The following ARPC5L variants were observed in gnomAD, a reference collection of about 807,000 sequenced individuals.
ARPC5L encodes the protein actin-related protein 2/3 complex subunit 5-like protein.
Under a neutral mutation model 16.9 loss-of-function variants are expected in ARPC5L, and 4 were observed. The observed-to-expected ratio is 0.24, with a 90% CI of 0.12 to 0.54. The LOEUF is 0.54. Among genes scored for constraint, ARPC5L ranks in the 20% least tolerant of loss-of-function variants. The probability of loss-of-function intolerance (pLI) is 0.95; values close to 1 mark genes in which losing one functional copy is unlikely to be tolerated. For missense variants in ARPC5L, 151 were observed against 201.9 expected, an observed-to-expected ratio of 0.75 and a Z score of 1.53; for synonymous variants, 78 against 82.6, an observed-to-expected ratio of 0.94 and a Z score of 0.30.
At chr9:124,865,095 G>A (rs1292920004) in intron 2 of ARPC5L, among the ~76,000 whole-genome samples, 1 of 152,166 alleles carries the variant, frequency 6.6e-6, no homozygotes, top group East Asian at 1.9e-4. Flanking sequence ...GCCTCCCAAA[G>A]TGTTGGGATT....
rs1007531617 is a variant in ARPC5L, at chr9:124,869,049, G to A, written c.-242G>A. Reference sequence around the variant, plus strand: ...GTGGAAGGGACACTGAGGTGGGGGAGGCTGCGGTGATCCCATACCGCACTC... The same window carrying A: ...GTGGAAGGGACACTGAGGTGGGGGAAGCTGCGGTGATCCCATACCGCACTC... On this transcript the variant is annotated 5_prime_UTR_variant, in exon 3 of 6. Coordinates refer to ENST00000353214, the MANE Select transcript of ARPC5L (RefSeq NM_030978.3). 1.3e-5 allele frequency: 5 copies of A among 392,564 alleles called. No individual in the cohort carries two copies. Among genetic ancestry groups the A allele is most frequent in the East Asian group, 4.1e-5 (1 of 24,386 alleles). 24.3% of individuals were successfully genotyped at this position (392,564 alleles called of 1,614,324 possible).
At chr9:124,873,656 C>T (rs749525176) in intron 3 of ARPC5L, 36 bp from the exon 4 acceptor site, 2 of 1,612,596 alleles carry the variant, frequency 1.2e-6, no homozygotes, top group South Asian at 2.2e-5. Flanking sequence ...CATGGATGTG[C>T]TTGAGCCTAG....
intron 5 of ARPC5L, 83 bp from the exon 6 acceptor site, chr9:124,876,795 A>G (rs1829446605): frequency 1.8e-6 from 2 of 1,082,940 alleles, no homozygotes; most frequent in Non-Finnish European, 2.8e-6. Flanking sequence ...AGGTCAGGGA[A>G]TGTCCCCCCT....
intron 1 of ARPC5L, among the ~76,000 whole-genome samples, chr9:124,862,674 A>G (rs1427602706): frequency 1.3e-5 from 2 of 151,080 alleles, no homozygotes; most frequent in Non-Finnish European, 1.5e-5. Flanking sequence ...ACAGGCATGC[A>G]CCACCACGCC....
chr9:124,870,953 G>T (rs1325157229), intron 3 of ARPC5L, among the ~76,000 whole-genome samples: 1 of 152,236 alleles, frequency 6.6e-6, no homozygotes, highest in East Asian at 1.9e-4. Context: ...CGTCAGAAGC[G>T]TCAGAAACCT....
intron 5 of ARPC5L, among the ~76,000 whole-genome samples, chr9:124,876,186 C>T (rs1829431328): frequency 6.6e-6 from 1 of 151,988 alleles, no homozygotes; most frequent in African/African-American, 2.4e-5. Flanking sequence ...GAACCCATCT[C>T]TACAAAAAAA....
chr9:124,870,043 C>T (rs1389330500), intron 3 of ARPC5L, among the ~76,000 whole-genome samples: 2 of 152,214 alleles, frequency 1.3e-5, no homozygotes, highest in African/African-American at 4.8e-5. Context: ...TCTAACCCTC[C>T]CGCTTAATGC....
At chr9:124,870,042 C>T (rs1829333878) in intron 3 of ARPC5L, among the ~76,000 whole-genome samples, 1 of 152,198 alleles carries the variant, frequency 6.6e-6, no homozygotes, top group Non-Finnish European at 1.5e-5. Flanking sequence ...GTCTAACCCT[C>T]CCGCTTAATG....
chr9:124,873,915 T>C (rs933980924), intron 4 of ARPC5L, 151 bp downstream of exon 4: 1 of 823,312 alleles, frequency 1.2e-6, no homozygotes. Context: ...GCTCCCTAGG[T>C]GGTGAGGCTT....
chr9:124,876,356 G>C (rs900217105), intron 5 of ARPC5L, among the ~76,000 whole-genome samples: 7 of 152,068 alleles, frequency 4.6e-5, no homozygotes, highest in African/African-American at 1.7e-4. Context: ...GGGTGGTGGC[G>C]GGCGCCTGTA....
rs113286514 is a variant in ARPC5L at position 124,871,379 on chromosome 9, C to T, written c.149+1940C>T. On this transcript the variant is annotated intron_variant, in intron 3 of 5. Coordinates refer to ENST00000353214, the MANE Select transcript of ARPC5L (RefSeq NM_030978.3). Reference sequence around the variant, plus strand: ...ACAGCCATGCTGGCTTCCTAGATTCCGTGGGAGCCTCATGGGCTAACATCA... The same window carrying T: ...ACAGCCATGCTGGCTTCCTAGATTCTGTGGGAGCCTCATGGGCTAACATCA... Among the ~76,000 whole-genome samples the T allele has an allele frequency of 3.3e-5, 5 of 152,308 alleles. 1 individual carries two copies. Among genetic ancestry groups the T allele is most frequent in the African/African-American group, 1.2e-4 (5 of 41,572 alleles).
rs531506569 is a variant in ARPC5L at position 124,876,343 on chromosome 9, C to T, written c.400-535C>T. On this transcript the variant is annotated intron_variant, in intron 5 of 5. Coordinates refer to ENST00000353214, the MANE Select transcript of ARPC5L (RefSeq NM_030978.3). ...CTCTACTAAAAATACAAAAATTAGC[C>T]GGGGGTGGTGGCGGGCGCCTGTAAT... Among the ~76,000 whole-genome samples, 74 of 151,682 alleles carry T rather than the reference C, an allele frequency of 4.9e-4. 1 individual carries two copies. Among genetic ancestry groups the T allele is most frequent in the African/African-American group, 1.7e-3 (69 of 41,342 alleles).
chr9:124,869,574 C>T (rs1829325503), intron 3 of ARPC5L, 135 bp downstream of exon 3: 32 of 1,349,372 alleles, frequency 2.4e-5, no homozygotes, highest in Non-Finnish European at 3.0e-5. Context: ...CTCCAGCTCC[C>T]TGCCGACCCG....
intron 4 of ARPC5L, among the ~76,000 whole-genome samples, chr9:124,874,123 G>A (rs955459502): frequency 2.0e-5 from 3 of 152,164 alleles, no homozygotes; most frequent in Admixed American, 1.3e-4. Flanking sequence ...TTAAGTACCC[G>A]TACGCTTTCC....
In ARPC5L at chr9:124,865,816, C is replaced by A. The variant is rs1379712660; in HGVS notation, c.-864+1709C>A. ...TCAAAAAAACAAAAAACAAAAAAAA[C>A]AAAATTGGGACTGGGCGTGGTGGCT... is the stretch of plus-strand genomic sequence containing the variant. On this transcript the variant is annotated intron_variant, in intron 2 of 5. Transcript: ENST00000353214. 2.6e-5 allele frequency among the ~76,000 whole-genome samples: 4 copies of A among 151,228 alleles called. No individual in the cohort carries two copies. In the East Asian group the frequency reaches 5.8e-4, roughly 22 times the overall value.
At chr9:124,876,330 T>G (rs1471253788) in intron 5 of ARPC5L, among the ~76,000 whole-genome samples, 1 of 151,432 alleles carries the variant, frequency 6.6e-6, no homozygotes, top group Non-Finnish European at 1.5e-5. Flanking sequence ...CTACTAAAAA[T>G]ACAAAAATTA....
intron 3 of ARPC5L, 25 bp from the exon 4 acceptor site, chr9:124,873,667 C>G: frequency 6.2e-7 from 1 of 1,613,762 alleles, no homozygotes. Context: ...TTGAGCCTAG[C>G]TATCCTTAAC....
At chr9:124,864,351 C>G (rs1242865347) in intron 2 of ARPC5L, among the ~76,000 whole-genome samples, 3 of 151,894 alleles carry the variant, frequency 2.0e-5, no homozygotes, top group African/African-American at 7.3e-5. Context: ...CCATGCCCGG[C>G]TAATCTTTGT....
chr9:124,873,637 T>C, intron 3 of ARPC5L, 55 bp from the exon 4 acceptor site: 3 of 1,598,052 alleles, frequency 1.9e-6, no homozygotes, highest in Non-Finnish European at 2.6e-6. Context: ...GTGAGCTTGT[T>C]CATGACGGCA....
Sources: allele counts gnomAD v4.1 joint callset (sites outside exome capture counted in the v4.1 genomes callset), GRCh38; gene constraint gnomAD v4.1.1; transcripts MANE v1.5; gene names NCBI Gene and HGNC (gene_info 2026-07-23, HGNC 2026-07-21).